Variants in C8orf34 observed in about 807,000 individuals in gnomAD.
C8orf34 encodes the protein uncharacterized protein C8orf34.
C8orf34 carries 65 observed loss-of-function variants against 68.3 expected under a neutral mutation model. The observed-to-expected ratio is 0.95, with a 90% CI of 0.78 to 1.17. The LOEUF is 1.17. Among genes scored for constraint, C8orf34 ranks in the 50% most tolerant of loss-of-function variants. The pLI, the probability that C8orf34 is intolerant of heterozygous loss-of-function variation, is 0.00. For synonymous variants in C8orf34, 244 were observed against 241.2 expected (o/e 1.01, Z -0.11); for missense variants, 664 against 655.4 (o/e 1.01, Z -0.14).
intron 1 of C8orf34, among the ~76,000 whole-genome samples, chr8:68,350,167 T>G (rs2129618482): frequency 6.6e-6 from 1 of 152,092 alleles, no homozygotes; most frequent in Admixed American, 6.6e-5. Flanking sequence ...ATGTTGTATG[T>G]TTGTCCTCAT....
intron 10 of C8orf34, among the ~76,000 whole-genome samples, chr8:68,772,192 C>T (rs1018529882): frequency 2.0e-5 from 3 of 152,140 alleles, no homozygotes; most frequent in African/African-American, 7.2e-5. Flanking sequence ...GTAGGTTTCT[C>T]ATGGAATTTT....
intron 10 of C8orf34, among the ~76,000 whole-genome samples, chr8:68,755,788 G>T (rs1410099393): frequency 3.3e-5 from 5 of 152,046 alleles, no homozygotes; most frequent in Non-Finnish European, 7.4e-5. Flanking sequence ...CTGGCCAGGC[G>T]CGGTGGCTCA....
intron 4 of C8orf34, among the ~76,000 whole-genome samples, chr8:68,484,686 T>A (rs976816942): frequency 6.6e-6 from 1 of 152,210 alleles, no homozygotes; most frequent in African/African-American, 2.4e-5. Context: ...GGGAGAGATA[T>A]CCTGGCCACT....
At chr8:68,711,097 C>A (rs1391744354) in intron 9 of C8orf34, among the ~76,000 whole-genome samples, 4 of 152,138 alleles carry the variant, frequency 2.6e-5, no homozygotes, top group African/African-American at 9.7e-5. Context: ...TCTCAGGAAG[C>A]CTCATTCCTA....
intron 9 of C8orf34, among the ~76,000 whole-genome samples, chr8:68,712,162 G>GC (rs1044843232): frequency 6.6e-6 from 1 of 152,118 alleles, no homozygotes; most frequent in African/African-American, 2.4e-5. Flanking sequence ...TCCCAAGTCA[G>GC]CACTACAAGA....
intron 7 of C8orf34, among the ~76,000 whole-genome samples, chr8:68,551,302 T>C (rs1816062215): frequency 6.6e-6 from 1 of 152,030 alleles, no homozygotes; most frequent in Non-Finnish European, 1.5e-5. Context: ...ACTAATGAGC[T>C]ATCAAAGGTA....
intron 10 of C8orf34, among the ~76,000 whole-genome samples, chr8:68,744,885 T>G (rs201380054): frequency 2.6e-5 from 4 of 151,848 alleles, no homozygotes; most frequent in African/African-American, 4.8e-5. Context: ...TACTGAGAAC[T>G]CCACAAAGAT....
chr8:68,783,867 T>C (rs1446993255), intron 11 of C8orf34, among the ~76,000 whole-genome samples: 1 of 152,182 alleles, frequency 6.6e-6, no homozygotes, highest in Non-Finnish European at 1.5e-5. Flanking sequence ...CTCAGATATT[T>C]GGGGTTCACA....
intron 8 of C8orf34, among the ~76,000 whole-genome samples, chr8:68,673,536 G>A (rs1253715787): frequency 6.6e-6 from 1 of 152,166 alleles, no homozygotes; most frequent in East Asian, 1.9e-4. Flanking sequence ...GTGGCCACAG[G>A]GAGAGACTCC....
chr8:68,696,550 A>G (rs937391383), intron 8 of C8orf34, among the ~76,000 whole-genome samples: 1 of 151,714 alleles, frequency 6.6e-6, no homozygotes, highest in South Asian at 2.1e-4. Flanking sequence ...CAGAAGAGAT[A>G]CAAAATCTAA....
chr8:68,732,318 T>C (rs1338001633), intron 10 of C8orf34, among the ~76,000 whole-genome samples: 1 of 152,216 alleles, frequency 6.6e-6, no homozygotes, highest in Admixed American at 6.5e-5. Flanking sequence ...TTTCATCATA[T>C]TGATAAATAT....
chr8:68,362,650 G>A (rs1317752576), intron 1 of C8orf34, among the ~76,000 whole-genome samples: 3 of 152,124 alleles, frequency 2.0e-5, no homozygotes, highest in Non-Finnish European at 4.4e-5. Flanking sequence ...ACCTCACACG[G>A]CAGGATATTC....
At position 68,727,522 on chromosome 8, in the gene C8orf34, G is replaced by A. The variant is rs192579370; in HGVS notation, c.1404+6085G>A. Among the ~76,000 whole-genome samples, 544 of 152,354 alleles carry A rather than the reference G, an allele frequency of 3.6e-3. 3 individuals carry two copies. The highest frequency in any genetic ancestry group is 0.012 in the African/African-American group (485 of 41,582). ...TATGTGGTGCCCCAGTAGGGACTCTGTGTGGGGGCTCCACCCCTACATTTC... is the reference window on the plus strand; with the variant it reads ...TATGTGGTGCCCCAGTAGGGACTCTATGTGGGGGCTCCACCCCTACATTTC... On this transcript the variant is annotated intron_variant, in intron 10 of 13. Transcript: ENST00000518698.
chr8:68,560,807 G>A (rs1179317054), intron 7 of C8orf34, among the ~76,000 whole-genome samples: 1 of 152,086 alleles, frequency 6.6e-6, no homozygotes, highest in Non-Finnish European at 1.5e-5. Context: ...AGTCAAGTGA[G>A]TGGTGAGTAA....
At chr8:68,764,333 A>G (rs1313319380) in intron 10 of C8orf34, among the ~76,000 whole-genome samples, 1 of 152,180 alleles carries the variant, frequency 6.6e-6, no homozygotes, top group African/African-American at 2.4e-5. Flanking sequence ...AGTTTATGTG[A>G]TAGTTTGTTG....
chr8:68,572,493 A>G (rs1407971741), intron 7 of C8orf34, among the ~76,000 whole-genome samples: 4 of 151,372 alleles, frequency 2.6e-5, no homozygotes, highest in Admixed American at 1.3e-4. Context: ...ATATATTTTA[A>G]TATAATTTAT....
intron 7 of C8orf34, among the ~76,000 whole-genome samples, chr8:68,602,710 G>C (rs1267077278): frequency 1.3e-5 from 2 of 152,054 alleles, no homozygotes; most frequent in Non-Finnish European, 2.9e-5. Context: ...TCTAATTGCT[G>C]CCAGATGTGT....
chr8:68,677,122 G>A (rs982135857), intron 8 of C8orf34, among the ~76,000 whole-genome samples: 2 of 152,068 alleles, frequency 1.3e-5, no homozygotes, highest in Non-Finnish European at 2.9e-5. Flanking sequence ...ATAACAAGAC[G>A]AATTTTGGAA....
At chr8:68,436,224 A>G (rs1056074627) in intron 1 of C8orf34, among the ~76,000 whole-genome samples, 3 of 152,162 alleles carry the variant, frequency 2.0e-5, no homozygotes, top group Admixed American at 6.5e-5. Context: ...AAAAAAAAGA[A>G]AAGAAAAGAA....
Sources: gnomAD v4.1 joint callset for allele counts (sites outside exome capture counted in the v4.1 genomes callset) on GRCh38, gnomAD v4.1.1 for gene constraint, MANE v1.5 for transcripts, NCBI Gene and HGNC (gene_info 2026-07-23, HGNC 2026-07-21) for gene names.